Variants in SCLT1 observed in about 807,000 individuals in gnomAD.
The protein encoded by SCLT1 is sodium channel-associated protein 1.
A neutral mutation model predicts 112.8 loss-of-function variants in SCLT1; 78 were observed. The observed-to-expected ratio is 0.69, with a 90% confidence interval of 0.58 to 0.83. SCLT1 has a LOEUF of 0.83. SCLT1 is among the 40% of genes least tolerant of loss of function. The pLI is 0.00. For synonymous variants in SCLT1, 257 were observed against 254.7 expected (o/e 1.01, Z -0.09); for missense variants, 747 against 770.4 (o/e 0.97, Z 0.36).
At position 129,015,348 on chromosome 4, in the gene SCLT1, C is replaced by T. The variant is rs188916535; in HGVS notation, c.291-11472G>A. ...ATCTCTGCAAGTCAGGCACGGTCCACTAGCACACAAGCTATGATGTGGCTC... is the reference window on the plus strand; with the variant it reads ...ATCTCTGCAAGTCAGGCACGGTCCATTAGCACACAAGCTATGATGTGGCTC... On this transcript the variant is annotated intron_variant, in intron 5 of 20. Coordinates refer to ENST00000281142, the MANE Select transcript of SCLT1 (RefSeq NM_144643.4). Among the ~76,000 whole-genome samples the T allele has an allele frequency of 3.4e-4, 52 of 152,244 alleles. 2 individuals carry two copies. The East Asian group carries it at 9.9e-3, about 29-fold the overall frequency.
chr4:128,973,060 T>C (rs1426264058), intron 9 of SCLT1, among the ~76,000 whole-genome samples: 2 of 149,378 alleles, frequency 1.3e-5, no homozygotes, highest in Non-Finnish European at 3.0e-5. Flanking sequence ...CCTTGTTTCT[T>C]TTTTCACATG....
chr4:128,971,164 A>AGT (rs1740659444), intron 9 of SCLT1: 1 of 152,184 alleles, frequency 6.6e-6, no homozygotes, highest in African/African-American at 2.4e-5. Context: ...TTAAGCATTA[A>AGT]GTGAGTATAA....
chr4:128,893,931 TTTTGTTTG>T (rs376420656), intron 18 of SCLT1, among the ~76,000 whole-genome samples: 13 of 151,842 alleles, frequency 8.6e-5, no homozygotes, highest in Admixed American at 2.0e-4. Context: ...CTGTCAGGTT[TTTTGTTTG>T]TTTGTTTGTT....
At chr4:128,902,902 G>A (rs966434948) in intron 18 of SCLT1, among the ~76,000 whole-genome samples, 11 of 151,770 alleles carry the variant, frequency 7.2e-5, no homozygotes, top group East Asian at 3.9e-4. Flanking sequence ...ATTAGACAAC[G>A]CCTACACAGG....
intron 2 of SCLT1, among the ~76,000 whole-genome samples, chr4:129,048,724 T>C: frequency 6.6e-6 from 1 of 152,102 alleles, no homozygotes; most frequent in Non-Finnish European, 1.5e-5. Context: ...TTTCGCAACC[T>C]ACTCATCTGA....
chr4:129,019,311 G>T (rs1745248221), intron 5 of SCLT1, among the ~76,000 whole-genome samples: 1 of 152,118 alleles, frequency 6.6e-6, no homozygotes, highest in Non-Finnish European at 1.5e-5. Context: ...TGACAAAGAT[G>T]AATCAAACAC....
chr4:129,091,592 G>A (rs961960923), intron 1 of SCLT1, among the ~76,000 whole-genome samples: 1 of 151,848 alleles, frequency 6.6e-6, no homozygotes, highest in Non-Finnish European at 1.5e-5. Flanking sequence ...TTATGGGGTG[G>A]GGATATTCCC....
intron 20 of SCLT1, among the ~76,000 whole-genome samples, chr4:128,886,038 C>T (rs114254755): frequency 0.011 from 1,607 of 152,054 alleles, 31 homozygotes; most frequent in African/African-American, 0.036. Flanking sequence ...ATATTTTTCT[C>T]GGTTTGTCAC....
At chr4:128,893,688 G>T (rs554527381) in intron 18 of SCLT1, among the ~76,000 whole-genome samples, 2 of 151,742 alleles carry the variant, frequency 1.3e-5, no homozygotes, top group African/African-American at 4.8e-5. Flanking sequence ...GACTACAGGC[G>T]CCCGCCACCA....
At chr4:128,879,103 T>G (rs1435357150), downstream of SCLT1, among the ~76,000 whole-genome samples, 1 of 151,640 alleles carries the variant, frequency 6.6e-6, no homozygotes, top group Admixed American at 6.6e-5. Context: ...ATTGTGCACA[T>G]GTACCCTAGA....
chr4:128,952,541 G>C (rs957807781), intron 14 of SCLT1: 3 of 570,746 alleles, frequency 5.3e-6, no homozygotes, highest in Non-Finnish European at 9.5e-6. Flanking sequence ...CTCTGTCAAA[G>C]ACAGGTAGTT....
In SCLT1 at chr4:129,062,560, TC is replaced by T. The variant is rs544167137; in HGVS notation, c.103-18510del. ...CTTCAGCTTCAAGAACTCTTTAGCA[TC>T]TTTTGTAAATTGGGGCTAGTGGTGA... On this transcript the variant is annotated intron_variant, in intron 2 of 20. Transcript: ENST00000281142. 4.6e-5 allele frequency among the ~76,000 whole-genome samples: 7 copies of T among 152,284 alleles called. No individual in the cohort carries two copies. The South Asian group carries it at 1.4e-3, about 32-fold the overall frequency.
intron 13 of SCLT1, among the ~76,000 whole-genome samples, chr4:128,956,014 C>T (rs1483648438): frequency 6.6e-6 from 1 of 152,152 alleles, no homozygotes; most frequent in Non-Finnish European, 1.5e-5. Context: ...AGAGTAAGTT[C>T]AGTTTCAGAC....
At chr4:128,878,173 A>G (rs1346043726) in intron 3 of SCLT1, among the ~76,000 whole-genome samples, 1 of 152,198 alleles carries the variant, frequency 6.6e-6, no homozygotes, top group Non-Finnish European at 1.5e-5. Flanking sequence ...AAATCCAGTT[A>G]TTTTTACAAA....
intron 2 of SCLT1, among the ~76,000 whole-genome samples, chr4:129,053,457 T>G (rs1452146039): frequency 6.6e-6 from 1 of 152,012 alleles, no homozygotes; most frequent in Non-Finnish European, 1.5e-5. Context: ...CACTTCTTAA[T>G]GCATTGATCC....
At chr4:128,891,038 C>A in intron 19 of SCLT1, 21 bp downstream of exon 19, 2 of 1,566,270 alleles carry the variant, frequency 1.3e-6, no homozygotes, top group Non-Finnish European at 8.8e-7. Flanking sequence ...AAAGCACTTC[C>A]CAGGGGAGTC....
At chr4:128,984,350 A>G (rs1189086999) in intron 9 of SCLT1, among the ~76,000 whole-genome samples, 4 of 148,500 alleles carry the variant, frequency 2.7e-5, no homozygotes, top group South Asian at 4.4e-4. Context: ...CTAGATTAGC[A>G]GTTACAAGAT....
intron 9 of SCLT1, among the ~76,000 whole-genome samples, chr4:128,978,665 T>A (rs1490522908): frequency 6.6e-6 from 1 of 151,842 alleles, no homozygotes; most frequent in Non-Finnish European, 1.5e-5. Context: ...TGAAGAAAAT[T>A]CCAAAGAGTG....
At chr4:128,968,405 T>C (rs1740395279) in intron 10 of SCLT1, among the ~76,000 whole-genome samples, 1 of 152,208 alleles carries the variant, frequency 6.6e-6, no homozygotes, top group South Asian at 2.1e-4. Context: ...ACTTTAAAGC[T>C]CTAGAGTTTC....
Sources: gnomAD v4.1 joint callset for allele counts (sites outside exome capture counted in the v4.1 genomes callset) on GRCh38, gnomAD v4.1.1 for gene constraint, MANE v1.5 for transcripts, NCBI Gene and HGNC (gene_info 2026-07-23, HGNC 2026-07-21) for gene names.